Variants in TGFBRAP1 observed in about 807,000 individuals in gnomAD.
TGFBRAP1 encodes the protein transforming growth factor-beta receptor-associated protein 1.
In TGFBRAP1, 20 loss-of-function variants were observed where a neutral mutation model predicts 83.2. That is an observed-to-expected ratio of 0.24 (90% CI 0.17 to 0.35). The LOEUF is 0.35. TGFBRAP1 is among the 10% of genes least tolerant of loss of function. TGFBRAP1 has a pLI of 1.00. For synonymous variants in TGFBRAP1, 415 were observed against 459.8 expected (o/e 0.90, Z 1.25); for missense variants, 950 against 1,099.4 (o/e 0.86, Z 1.92).
At chr2:105,272,267 C>T (rs1344748877) in intron 10 of TGFBRAP1, among the ~76,000 whole-genome samples, 2 of 152,322 alleles carry the variant, frequency 1.3e-5, no homozygotes, top group Non-Finnish European at 2.9e-5. Context: ...CAAATGCCCT[C>T]CAAGACACCT....
Position 105,327,171 on chromosome 2 carries a change from A to G in TGFBRAP1, c.-18+2454T>C, listed in dbSNP as rs1453479804. 5 of 152,312 alleles carry G rather than the reference A, an allele frequency of 3.3e-5. No homozygotes were observed. In the East Asian group the frequency reaches 7.7e-4, roughly 23 times the overall value. 9.4% of individuals were successfully genotyped at this position (152,312 alleles called of 1,614,324 possible). ...AAATTTCTTCAAGTTTTCTTAAAAG[A>G]TCACAAATTTGTAATATTAGCATGA... On this transcript the variant is annotated intron_variant, in intron 1 of 11. Transcript: ENST00000393359.
rs143919418 is a variant in TGFBRAP1, at chr2:105,287,110, T to C, written c.1039-2712A>G. ...AGTCAGCCAGTCACAAGACAAATAC[T>C]GTATGATTCCCCGGATGCGAGGTCC... On this transcript the variant is annotated intron_variant, in intron 4 of 11. Transcript: ENST00000393359. Among the ~76,000 whole-genome samples the C allele has an allele frequency of 6.5e-3, 984 of 151,852 alleles. 8 individuals carry two copies. Among genetic ancestry groups the C allele is most frequent in the Non-Finnish European group, 0.01 (687 of 67,982 alleles).
rs557717369 is a variant in TGFBRAP1 at position 105,284,241 on chromosome 2, G to A, written c.1121+75C>T. Reference sequence around the variant, plus strand: ...ACCATGCAACACATCCCACCGCGACGTCACACCAGAAACGCAGGTTCTGGC... The same window carrying A: ...ACCATGCAACACATCCCACCGCGACATCACACCAGAAACGCAGGTTCTGGC... On this transcript the variant is annotated intron_variant, in intron 5 of 11. Coordinates refer to ENST00000393359, the MANE Select transcript of TGFBRAP1 (RefSeq NM_004257.6). 125 of 1,419,564 alleles carry A rather than the reference G, an allele frequency of 8.8e-5. 1 individual carries two copies. The Admixed American group carries it at 1.0e-3, about 12-fold the overall frequency. The allele number at this position is 1,419,564 out of a possible 1,614,324, so 87.9% of individuals were successfully genotyped here.
intron 8 of TGFBRAP1, among the ~76,000 whole-genome samples, chr2:105,274,874 G>T (rs750331199): frequency 4.6e-5 from 7 of 152,170 alleles, no homozygotes; most frequent in Non-Finnish European, 8.8e-5. Flanking sequence ...TCTCTCCAAG[G>T]GGAGCCATGG....
Position 105,294,232 on chromosome 2 carries a change from G to C in TGFBRAP1, c.1038+2124C>G, listed in dbSNP as rs1282386436. On this transcript the variant is annotated intron_variant, in intron 4 of 11. Transcript: ENST00000393359. Reference sequence around the variant, plus strand: ...TTCCTGACATACTATCCGGCTCACTGGTTGTTTGTTCTCTTTGTCTTCCAC... The same window carrying C: ...TTCCTGACATACTATCCGGCTCACTCGTTGTTTGTTCTCTTTGTCTTCCAC... Among the ~76,000 whole-genome samples the C allele has an allele frequency of 2.6e-5, 4 of 152,126 alleles. No homozygotes were observed. In the East Asian group the frequency reaches 5.8e-4, roughly 22 times the overall value.
chr2:105,316,491 A>C (rs1678880810), intron 1 of TGFBRAP1, among the ~76,000 whole-genome samples: 1 of 145,388 alleles, frequency 6.9e-6, no homozygotes, highest in African/African-American at 2.6e-5. Context: ...ACGCGCACAT[A>C]ACTCAAAAAG....
chr2:105,271,452 G>A (rs1677151965), intron 10 of TGFBRAP1, among the ~76,000 whole-genome samples: 1 of 152,210 alleles, frequency 6.6e-6, no homozygotes, highest in African/African-American at 2.4e-5. Context: ...AACAGAGATT[G>A]CACAGCGGAT....
At chr2:105,296,533 T>C in intron 3 of TGFBRAP1, 23 bp from the exon 4 acceptor site, 2 of 1,596,252 alleles carry the variant, frequency 1.3e-6, no homozygotes, top group Non-Finnish European at 1.7e-6. Context: ...TCAGCATTGT[T>C]GGAAAGAGAA....
chr2:105,315,427 C>G (rs1678824929), intron 1 of TGFBRAP1, among the ~76,000 whole-genome samples: 1 of 152,190 alleles, frequency 6.6e-6, no homozygotes. Context: ...GATAGACCAA[C>G]AGGTCAAGCC....
intron 8 of TGFBRAP1, 130 bp downstream of exon 8, chr2:105,275,430 T>C: frequency 1.4e-6 from 2 of 1,423,794 alleles, no homozygotes; most frequent in Non-Finnish European, 1.9e-6. Flanking sequence ...AGGGGAATAA[T>C]AACAACAACA....
chr2:105,277,186 T>C (rs1677379056), intron 7 of TGFBRAP1, among the ~76,000 whole-genome samples: 1 of 152,222 alleles, frequency 6.6e-6, no homozygotes, highest in African/African-American at 2.4e-5. Context: ...GCAACTGGCA[T>C]GCATCAGCTT....
At chr2:105,308,444 A>C (rs893236488) in intron 1 of TGFBRAP1, 126 bp from the exon 2 acceptor site, 5 of 1,048,564 alleles carry the variant, frequency 4.8e-6, no homozygotes. Flanking sequence ...ACGCTATCAA[A>C]AAATGGAAAG....
intron 1 of TGFBRAP1, among the ~76,000 whole-genome samples, chr2:105,313,387 C>G (rs1471116252): frequency 2.0e-5 from 3 of 152,234 alleles, no homozygotes; most frequent in African/African-American, 7.2e-5. Context: ...ATGGGCAGCA[C>G]AGAGCACTGG....
At chr2:105,264,397 C>G (rs976307362), downstream of TGFBRAP1, 1 of 152,008 alleles carries the variant, frequency 6.6e-6, no homozygotes, top group African/African-American at 2.4e-5. Flanking sequence ...AGGTATGGTG[C>G]GAGTGAAAAC....
At chr2:105,252,454 G>A in the TGFBRAP1 span, among the ~76,000 whole-genome samples, 2 of 152,184 alleles carry the variant, frequency 1.3e-5, no homozygotes, top group African/African-American at 4.8e-5. Flanking sequence ...CCCTTGCAGG[G>A]GGTTCTGGGG....
intron 9 of TGFBRAP1, 123 bp downstream of exon 9, chr2:105,273,421 T>C: frequency 7.3e-7 from 1 of 1,362,234 alleles, no homozygotes; most frequent in African/African-American, 1.5e-5. Flanking sequence ...CATCAGACCA[T>C]CAACAAGTAC....
chr2:105,282,461 T>C (rs1037877731), intron 5 of TGFBRAP1, among the ~76,000 whole-genome samples: 31 of 152,214 alleles, frequency 2.0e-4, no homozygotes, highest in African/African-American at 6.0e-4. Context: ...TCACAATTTA[T>C]TAGCAACATT....
chr2:105,267,885 A>G (rs1430030811), intron 11 of TGFBRAP1: 1 of 985,282 alleles, frequency 1.0e-6, no homozygotes, highest in Non-Finnish European at 1.2e-6. Context: ...TTAGAAAGTC[A>G]TGAATGTTAA....
the TGFBRAP1 span, among the ~76,000 whole-genome samples, chr2:105,258,955 C>T: frequency 1.3e-5 from 2 of 152,182 alleles, no homozygotes; most frequent in South Asian, 2.1e-4. Context: ...CACCAGTAGG[C>T]GCAAATCGAG....
Sources: gnomAD v4.1 joint callset for allele counts (sites outside exome capture counted in the v4.1 genomes callset) on GRCh38, gnomAD v4.1.1 for gene constraint, MANE v1.5 for transcripts, NCBI Gene and HGNC (gene_info 2026-07-23, HGNC 2026-07-21) for gene names.